The following TENM4 variants were observed in gnomAD, a reference collection of about 807,000 sequenced individuals.
The protein encoded by TENM4 is teneurin transmembrane protein 4, also known as teneurin-4.
TENM4 carries 82 observed loss-of-function variants against 243.3 expected under a neutral mutation model. The ratio of observed to expected loss-of-function variants is 0.34; its 90% confidence interval spans 0.28 to 0.40. The LOEUF (loss-of-function observed/expected upper bound fraction) is 0.40, where lower values mean the gene tolerates loss of function less well. Ranked by LOEUF, TENM4 falls within the 10% of genes least tolerant of loss-of-function variation. The pLI is 1.00. For synonymous variants in TENM4, 1,412 were observed against 1,456.3 expected, an observed-to-expected ratio of 0.97 and a Z score of 0.69; for missense variants, 3,138 against 3,673.3, an observed-to-expected ratio of 0.85 and a Z score of 3.77.
intron 3 of TENM4, among the ~76,000 whole-genome samples, chr11:79,173,432 C>A (rs1207307012): frequency 5.3e-5 from 8 of 151,990 alleles, no homozygotes; most frequent in Admixed American, 2.6e-4. Context: ...TTTTTATGTT[C>A]CTCCAGGAGC....
intron 3 of TENM4, among the ~76,000 whole-genome samples, chr11:79,171,203 G>T (rs1015474992): frequency 2.0e-5 from 3 of 152,148 alleles, no homozygotes; most frequent in African/African-American, 7.2e-5. Context: ...GGGTAGAGAG[G>T]GCCTAGAACC....
chr11:78,989,158 G>C (rs973596986), intron 6 of TENM4, among the ~76,000 whole-genome samples: 2 of 152,158 alleles, frequency 1.3e-5, no homozygotes, highest in Admixed American at 6.6e-5. Context: ...TCCTATTGAA[G>C]GCCAAAAACA....
At chr11:79,109,636 G>A (rs1273688646) in intron 4 of TENM4, among the ~76,000 whole-genome samples, 1 of 152,242 alleles carries the variant, frequency 6.6e-6, no homozygotes, top group Admixed American at 6.5e-5. Flanking sequence ...GTTCCTGCAT[G>A]TAAAATAGCT....
chr11:79,230,479 G>C (rs1224784999), intron 2 of TENM4, among the ~76,000 whole-genome samples: 1 of 152,194 alleles, frequency 6.6e-6, no homozygotes. Flanking sequence ...AGAAACAGCA[G>C]CAGCTCTGAA....
chr11:78,694,944 C>T (rs1590944478), intron 28 of TENM4, among the ~76,000 whole-genome samples: 1 of 152,208 alleles, frequency 6.6e-6, no homozygotes, highest in Admixed American at 6.5e-5. Context: ...GTCATGATAT[C>T]CTTCAACTTT....
chr11:79,198,848 G>A (rs993011458), intron 3 of TENM4, among the ~76,000 whole-genome samples: 1 of 152,120 alleles, frequency 6.6e-6, no homozygotes, highest in Non-Finnish European at 1.5e-5. Flanking sequence ...GAAGGAGCAC[G>A]GGGACTAGGA....
intron 1 of TENM4, among the ~76,000 whole-genome samples, chr11:79,367,015 T>C (rs1255085442): frequency 4.6e-5 from 7 of 152,252 alleles, no homozygotes; most frequent in African/African-American, 1.7e-4. Context: ...ATCATTTACA[T>C]ATCTTGGGCA....
chr11:78,991,214 C>T (rs1469109425), intron 6 of TENM4, among the ~76,000 whole-genome samples: 1 of 152,096 alleles, frequency 6.6e-6, no homozygotes. Flanking sequence ...CCAGGGTAGC[C>T]CTCCTGAGAA....
intron 1 of TENM4, among the ~76,000 whole-genome samples, chr11:79,359,208 GT>G (rs1210980248): frequency 6.6e-6 from 1 of 152,178 alleles, no homozygotes; most frequent in East Asian, 1.9e-4. Flanking sequence ...TGAGGTTGCA[GT>G]AAGCTATGAT....
intron 1 of TENM4, among the ~76,000 whole-genome samples, chr11:79,360,627 A>G (rs765668526): frequency 4.6e-5 from 7 of 152,206 alleles, no homozygotes; most frequent in Non-Finnish European, 8.8e-5. Flanking sequence ...CCCAGTGACA[A>G]TGATGGAGCT....
At position 79,407,023 on chromosome 11, in the gene TENM4, G is replaced by A. The variant is rs533618684; in HGVS notation, c.-321+33486C>T. On this transcript the variant is annotated intron_variant, in intron 1 of 33. Coordinates refer to ENST00000278550, the MANE Select transcript of TENM4 (RefSeq NM_001098816.3). ...AACAGAGAACAAGAGACAGTTTCCT[G>A]CCCCTGACCCCCAACCTGTCAGTGT... Among the ~76,000 whole-genome samples the A allele has an allele frequency of 1.3e-5, 2 of 152,258 alleles. 1 individual carries two copies. The highest frequency in any genetic ancestry group is 4.8e-5 in the African/African-American group (2 of 41,540).
At chr11:78,773,652 C>T (rs944355271) in intron 17 of TENM4, among the ~76,000 whole-genome samples, 2 of 152,106 alleles carry the variant, frequency 1.3e-5, no homozygotes, top group South Asian at 2.1e-4. Flanking sequence ...TCAACTCTGC[C>T]GTTATAGCTT....
intron 3 of TENM4, among the ~76,000 whole-genome samples, chr11:79,155,212 C>A (rs1255139681): frequency 6.6e-6 from 1 of 152,130 alleles, no homozygotes; most frequent in African/African-American, 2.4e-5. Context: ...AGTATCTGGG[C>A]CAATGGAGGT....
At chr11:79,116,432 G>A (rs1861622508) in intron 4 of TENM4, among the ~76,000 whole-genome samples, 1 of 152,174 alleles carries the variant, frequency 6.6e-6, no homozygotes, top group South Asian at 2.1e-4. Context: ...AATGCATGCT[G>A]TTGCCACAGA....
At position 79,409,320 on chromosome 11, in the gene TENM4, A is replaced by G. The variant is rs536295136; in HGVS notation, c.-321+31189T>C. On this transcript the variant is annotated intron_variant, in intron 1 of 33. Coordinates refer to ENST00000278550, the MANE Select transcript of TENM4 (RefSeq NM_001098816.3). ...AGAGCTGTTTAGGAGTGTTTAAAGC[A>G]TTTAAAGGTAGATTCTGGGGCATAG... 2.6e-5 allele frequency among the ~76,000 whole-genome samples: 4 copies of G among 152,270 alleles called. 1 individual carries two copies. The East Asian group carries it at 7.7e-4, about 29-fold the overall frequency.
intron 6 of TENM4, among the ~76,000 whole-genome samples, chr11:79,000,510 T>C (rs928354833): frequency 3.3e-5 from 5 of 152,150 alleles, no homozygotes; most frequent in African/African-American, 1.2e-4. Context: ...AATACAGTCA[T>C]CTTGGAGCAT....
chr11:79,322,533 T>C (rs943554842), intron 1 of TENM4, among the ~76,000 whole-genome samples: 1 of 151,976 alleles, frequency 6.6e-6, no homozygotes, highest in Admixed American at 6.6e-5. Context: ...CCTGCTCTAG[T>C]GCCAAGAAAA....
In TENM4 at chr11:78,952,309, C is replaced by CTG. The variant is rs1565141077; in HGVS notation, c.494-48787_494-48786insCA. Among the ~76,000 whole-genome samples, 9 of 152,208 alleles carry CTG rather than the reference C, an allele frequency of 5.9e-5. No individual in the cohort carries two copies. In the South Asian group the frequency reaches 8.3e-4, roughly 14 times the overall value. On this transcript the variant is annotated intron_variant, in intron 6 of 33. Transcript: ENST00000278550. ...CTGACCAGAGGCTGTGTTGAATCTGCATGAAAGTAATAAACTCGAGGAAGG... is the reference window on the plus strand; with the variant it reads ...CTGACCAGAGGCTGTGTTGAATCTGCTGATGAAAGTAATAAACTCGAGGAAGG...
intron 16 of TENM4, among the ~76,000 whole-genome samples, chr11:78,781,100 T>C (rs901616110): frequency 6.6e-6 from 1 of 152,260 alleles, no homozygotes; most frequent in Non-Finnish European, 1.5e-5. Context: ...TGAACTTTAC[T>C]GCCATTTATT....
Sources: allele counts gnomAD v4.1 joint callset (sites outside exome capture counted in the v4.1 genomes callset), GRCh38; gene constraint gnomAD v4.1.1; transcripts MANE v1.5; gene names NCBI Gene and HGNC (gene_info 2026-07-23, HGNC 2026-07-21).